Variants in JMJD1C observed in about 807,000 individuals in gnomAD.
JMJD1C encodes the protein jumonji domain-containing protein 1C.
JMJD1C carries 31 observed loss-of-function variants against 245.3 expected under a neutral mutation model. The observed-to-expected ratio is 0.13, with a 90% confidence interval of 0.09 to 0.17. The LOEUF (loss-of-function observed/expected upper bound fraction) is 0.17. JMJD1C is among the 10% of genes least tolerant of loss of function. The probability of loss-of-function intolerance (pLI) is 1.00; values close to 1 mark genes in which losing one functional copy is unlikely to be tolerated. For missense variants in JMJD1C, 2,691 were observed against 3,000.2 expected, an observed-to-expected ratio of 0.90 and a Z score of 2.41; for synonymous variants, 1,057 against 1,017.4, an observed-to-expected ratio of 1.04 and a Z score of -0.74.
intron 1 of JMJD1C, among the ~76,000 whole-genome samples, chr10:63,506,304 T>A (rs990284677): frequency 2.0e-5 from 3 of 152,184 alleles, no homozygotes; most frequent in Non-Finnish European, 2.9e-5. Context: ...AGTGAGAAGT[T>A]CCTGGGCAGC....
At chr10:63,282,113 T>C (rs1175640892) in intron 2 of JMJD1C, among the ~76,000 whole-genome samples, 1 of 152,208 alleles carries the variant, frequency 6.6e-6, no homozygotes, top group East Asian at 1.9e-4. Context: ...ACTGGTTTTG[T>C]TCATTTCCAT....
intron 2 of JMJD1C, among the ~76,000 whole-genome samples, chr10:63,290,705 G>A (rs973385465): frequency 6.6e-6 from 1 of 152,070 alleles, no homozygotes; most frequent in Non-Finnish European, 1.5e-5. Context: ...ACTTATTTAT[G>A]GAAAGAGATT....
intron 3 of JMJD1C, among the ~76,000 whole-genome samples, chr10:63,225,570 G>A (rs1405524858): frequency 1.3e-5 from 2 of 152,084 alleles, no homozygotes; most frequent in Non-Finnish European, 2.9e-5. Context: ...GATCACCTGA[G>A]ATTAGGGGTT....
Position 63,208,404 on chromosome 10 carries a change from G to C in JMJD1C, c.3265C>G (p.Pro1089Ala). The C allele has an allele frequency of 6.2e-7, 1 of 1,613,998 alleles. No homozygotes were observed. The highest frequency in any genetic ancestry group is 8.5e-7 in the Non-Finnish European group (1 of 1,179,938). The change falls in exon 10 of 26, where the codon CCC (proline) becomes GCC (alanine). Residue 1089 changes from proline (P) to alanine (A), a missense_variant. By Grantham distance (27) the Pro-to-Ala change is conservative. Coordinates refer to ENST00000399262, the MANE Select transcript of JMJD1C (RefSeq NM_032776.3). ...AATGTAGTGAAATAGTTACTTTGGG[G>C]TAAACTCTGAGGCACTGAGTGCTTC... The part of the protein sequence containing the change: ...KMKHSVPQSL[P>A]QSNYFTTLSN...
intron 3 of JMJD1C, among the ~76,000 whole-genome samples, chr10:63,246,310 T>A (rs1346571581): frequency 6.6e-6 from 1 of 151,872 alleles, no homozygotes; most frequent in Non-Finnish European, 1.5e-5. Flanking sequence ...GAAGAGAGGA[T>A]CCTAAAAGAA....
At position 63,509,803 on chromosome 10, in the gene JMJD1C, G is replaced by C. The variant is rs1192987808; in HGVS notation, n.113+11935C>G. On this transcript the variant is annotated intron_variant and non_coding_transcript_variant, in intron 1 of 3. Transcript: ENST00000633035. ...AATTTGTATCCTTTCTTTTTAGCTG[G>C]TCTAGCTAAAAGATTACCTATTTTA... Among the ~76,000 whole-genome samples the C allele has an allele frequency of 3.3e-5, 5 of 151,938 alleles. No homozygotes were observed. The East Asian group carries it at 9.6e-4, about 29-fold the overall frequency.
intron 2 of JMJD1C, among the ~76,000 whole-genome samples, chr10:63,288,220 A>C (rs1034496112): frequency 6.6e-6 from 1 of 152,192 alleles, no homozygotes; most frequent in African/African-American, 2.4e-5. Context: ...TGTATTGTTC[A>C]AGAGTCAACT....
chr10:63,476,228 C>T (rs7903238), intron 1 of JMJD1C, among the ~76,000 whole-genome samples: 20,574 of 147,248 alleles, frequency 0.14, 3,253 homozygotes, highest in African/African-American at 0.39. Flanking sequence ...CAAATATATA[C>T]ATATATTTAT....
intron 2 of JMJD1C, among the ~76,000 whole-genome samples, chr10:63,337,618 G>GAAAAGAAAAGAAAAGA (rs1942948197): frequency 1.3e-5 from 1 of 77,648 alleles, no homozygotes; most frequent in Non-Finnish European, 2.2e-5. Context: ...GAAAAGAAAA[G>GAAAAGAAAAGAAAAGA]AAAAGAAAAA....
intron 2 of JMJD1C, among the ~76,000 whole-genome samples, chr10:63,268,383 C>T (rs1369688549): frequency 6.6e-6 from 1 of 151,996 alleles, no homozygotes; most frequent in Non-Finnish European, 1.5e-5. Context: ...AAACAAATAC[C>T]CCCACTTTCC....
chr10:63,284,940 G>A (rs368994896), intron 2 of JMJD1C, among the ~76,000 whole-genome samples: 3 of 147,058 alleles, frequency 2.0e-5, no homozygotes, highest in Non-Finnish European at 3.0e-5. Context: ...ACACATACAC[G>A]CCACACATAC....
chr10:63,419,481 T>G (rs1196009612), intron 1 of JMJD1C, among the ~76,000 whole-genome samples: 1 of 152,034 alleles, frequency 6.6e-6, no homozygotes, highest in East Asian at 1.9e-4. Flanking sequence ...AGCCAAGACC[T>G]GAAAAGGTGA....
At chr10:63,168,239 AT>A in intron 25 of JMJD1C, 105 bp from the exon 26 acceptor site, 1 of 1,035,494 alleles carries the variant, frequency 9.7e-7, no homozygotes, top group Non-Finnish European at 1.4e-6. Context: ...GGAAAGCCAA[AT>A]ATAAGAAAAA....
At chr10:63,491,673 C>T (rs935223511) in intron 1 of JMJD1C, among the ~76,000 whole-genome samples, 3 of 152,154 alleles carry the variant, frequency 2.0e-5, no homozygotes, top group Non-Finnish European at 4.4e-5. Flanking sequence ...TTTAATTATG[C>T]CTTGGTATTG....
Position 63,207,557 on chromosome 10 carries a change from T to A in JMJD1C, c.4112A>T (p.Asn1371Ile). 1.2e-6 allele frequency: 2 copies of A among 1,614,156 alleles called. No individual in the cohort carries two copies. Among genetic ancestry groups the A allele is most frequent in the African/African-American group, 1.3e-5 (1 of 75,046 alleles). Residue 1371 changes from asparagine to isoleucine, a missense_variant, in exon 10 of 26, where the codon AAC becomes ATC. Physicochemically the swap from Asn to Ile is moderately radical, Grantham distance 149. Coordinates refer to ENST00000399262, the MANE Select transcript of JMJD1C (RefSeq NM_032776.3). ...ACTGCCCTGTGAGACAGCCTGAAAG[T>A]TTTTTTCAGATTTTGTGTGAACACT... The part of the protein sequence containing the change: ...SDSVHTKSEK[N>I]FQAVSQGSVP...
At chr10:63,440,361 T>TAC (rs1377521942) in intron 1 of JMJD1C, among the ~76,000 whole-genome samples, 2 of 141,048 alleles carry the variant, frequency 1.4e-5, no homozygotes, top group African/African-American at 5.2e-5. Flanking sequence ...AAAATATATA[T>TAC]ATATAGAGAG....
chr10:63,234,710 A>G (rs886917244), intron 3 of JMJD1C, among the ~76,000 whole-genome samples: 19 of 151,458 alleles, frequency 1.3e-4, no homozygotes, highest in Admixed American at 8.5e-4. Context: ...AGGCGGGAGG[A>G]TCACTTGAGG....
chr10:63,183,977 G>A (rs956987292), intron 21 of JMJD1C, among the ~76,000 whole-genome samples: 3 of 152,148 alleles, frequency 2.0e-5, no homozygotes, highest in African/African-American at 7.2e-5. Context: ...TGCCAGGCTG[G>A]AGTGCAGTGG....
intron 2 of JMJD1C, among the ~76,000 whole-genome samples, chr10:63,374,076 A>G (rs767307598): frequency 6.6e-6 from 1 of 152,230 alleles, no homozygotes; most frequent in African/African-American, 2.4e-5. Context: ...CATAGACTTT[A>G]AAATAAACAT....
Sources: allele counts gnomAD v4.1 joint callset (sites outside exome capture counted in the v4.1 genomes callset), GRCh38; gene constraint gnomAD v4.1.1; transcripts MANE v1.5; gene names NCBI Gene and HGNC (gene_info 2026-07-23, HGNC 2026-07-21).